Variants in CISD1 observed in about 807,000 individuals in gnomAD.
CISD1 encodes the protein CDGSH iron-sulfur domain-containing protein 1.
Under a neutral mutation model 12.0 loss-of-function variants are expected in CISD1, and 8 were observed. That is an observed-to-expected ratio of 0.67 (90% CI 0.39 to 1.20). CISD1 has a LOEUF of 1.20. Among genes scored for constraint, CISD1 ranks in the 50% most tolerant of loss-of-function variants. The pLI is 0.01. For synonymous variants in CISD1, 38 were observed against 42.2 expected, an observed-to-expected ratio of 0.90 and a Z score of 0.39; for missense variants, 107 against 132.7, an observed-to-expected ratio of 0.81 and a Z score of 0.95.
chr10:58,280,062 A>G (rs1284679675), intron 2 of CISD1, among the ~76,000 whole-genome samples: 1 of 152,256 alleles, frequency 6.6e-6, no homozygotes, highest in Non-Finnish European at 1.5e-5. Flanking sequence ...GCTCTGAGAA[A>G]AATTGGTAAC....
rs1265352909 is a variant in CISD1 at position 58,288,643 on chromosome 10, C to G, written c.*993C>G. The G allele has an allele frequency of 1.3e-5, 2 of 150,840 alleles. No individual in the cohort carries two copies. The highest frequency in any genetic ancestry group is 4.9e-5 in the African/African-American group (2 of 41,004). 9.3% of individuals were successfully genotyped at this position (150,840 alleles called of 1,614,324 possible). On this transcript the variant is annotated 3_prime_UTR_variant, in exon 3 of 3. Transcript: ENST00000333926. ...TTTATGTAATATTCTTCAAAGACTC[C>G]GAGCAGAAACATTGCATTCATTGTT...
At chr10:58,282,537 AC>A (rs1273769208) in intron 2 of CISD1, among the ~76,000 whole-genome samples, 10 of 152,222 alleles carry the variant, frequency 6.6e-5, no homozygotes, top group African/African-American at 2.2e-4. Context: ...CATGCTCAGT[AC>A]CCATACAATT....
At chr10:58,272,875 C>T (rs1839264820) in intron 1 of CISD1, among the ~76,000 whole-genome samples, 1 of 152,092 alleles carries the variant, frequency 6.6e-6, no homozygotes, top group African/African-American at 2.4e-5. Flanking sequence ...GCTGAGATTG[C>T]ACCACTGCAC....
rs1839451679 is a variant in CISD1, at chr10:58,288,242, A to T, written c.*592A>T. On this transcript the variant is annotated 3_prime_UTR_variant, in exon 3 of 3. Coordinates refer to ENST00000333926, the MANE Select transcript of CISD1 (RefSeq NM_018464.5). ...ATTTCATAAGTCAGGTCAATAATAAAGGGGTGGTAACTTCCTCATATTTAT... is the reference window on the plus strand; with the variant it reads ...ATTTCATAAGTCAGGTCAATAATAATGGGGTGGTAACTTCCTCATATTTAT... 1 of 152,318 alleles carries T rather than the reference A, an allele frequency of 6.6e-6. No homozygotes were observed. The highest frequency in any genetic ancestry group is 1.5e-5 in the Non-Finnish European group (1 of 68,014). 9.4% of individuals were successfully genotyped at this position (152,318 alleles called of 1,614,324 possible).
chr10:58,280,952 AACT>A (rs1839366966), intron 2 of CISD1, among the ~76,000 whole-genome samples: 1 of 152,254 alleles, frequency 6.6e-6, no homozygotes, highest in Non-Finnish European at 1.5e-5. Context: ...AGTGCAAATT[AACT>A]AATAAAGAAA....
chr10:58,285,254 T>C (rs1463191772), intron 2 of CISD1, among the ~76,000 whole-genome samples: 1 of 152,242 alleles, frequency 6.6e-6, no homozygotes, highest in African/African-American at 2.4e-5. Context: ...TGAGTTTTTC[T>C]GTAATTTTTA....
At chr10:58,276,802 A>C (rs1053992421) in intron 1 of CISD1, among the ~76,000 whole-genome samples, 3 of 150,292 alleles carry the variant, frequency 2.0e-5, no homozygotes, top group Non-Finnish European at 4.4e-5. Flanking sequence ...TTTAAAATTT[A>C]CTTATAAACA....
rs929408975 is a variant in CISD1, at chr10:58,287,009, C to T, written c.238-552C>T. 3.3e-5 allele frequency among the ~76,000 whole-genome samples: 5 copies of T among 151,938 alleles called. No homozygotes were observed. In the South Asian group the frequency reaches 6.2e-4, roughly 19 times the overall value. On this transcript the variant is annotated intron_variant, in intron 2 of 2. Coordinates refer to ENST00000333926, the MANE Select transcript of CISD1 (RefSeq NM_018464.5). ...GTGCAGTGGCACAATCTCGGCTCAC[C>T]GCAACTTCCCCTCCCAGGTTCAAGC...
intron 2 of CISD1, among the ~76,000 whole-genome samples, chr10:58,280,310 A>G (rs1839360021): frequency 6.6e-6 from 1 of 152,188 alleles, no homozygotes; most frequent in African/African-American, 2.4e-5. Flanking sequence ...GGTGCTAGCT[A>G]TGGAAATGGA....
chr10:58,272,714 C>T (rs776349232), intron 1 of CISD1, among the ~76,000 whole-genome samples: 9 of 152,132 alleles, frequency 5.9e-5, no homozygotes, highest in Non-Finnish European at 1.0e-4. Flanking sequence ...GTCAGGAGTT[C>T]GAGACCAGCT....
At chr10:58,270,404 G>C (rs375913038) in intron 1 of CISD1, among the ~76,000 whole-genome samples, 1 of 152,142 alleles carries the variant, frequency 6.6e-6, no homozygotes, top group Admixed American at 6.5e-5. Flanking sequence ...AATAGAGGCA[G>C]CTTGGTGCAT....
chr10:58,271,336 G>T (rs1023935407), intron 1 of CISD1, among the ~76,000 whole-genome samples: 1 of 152,112 alleles, frequency 6.6e-6, no homozygotes, highest in African/African-American at 2.4e-5. Flanking sequence ...CACCGCGCCC[G>T]GCCGACTATT....
At chr10:58,279,343 C>T (rs887874066) in intron 2 of CISD1, among the ~76,000 whole-genome samples, 2 of 152,014 alleles carry the variant, frequency 1.3e-5, no homozygotes, top group East Asian at 1.9e-4. Flanking sequence ...AAATCCAAAA[C>T]ATTTTGGATT....
At position 58,288,437 on chromosome 10, in the gene CISD1, G is replaced by C. The variant is rs576051806; in HGVS notation, c.*787G>C. ...TTGAACTGAGGATTTTGAAGGAATT[G>C]GAACATATAATGTCAAGTCTTTTGA... On this transcript the variant is annotated 3_prime_UTR_variant, in exon 3 of 3. Transcript: ENST00000333926. 2 of 152,194 alleles carry C rather than the reference G, an allele frequency of 1.3e-5. No individual in the cohort carries two copies. Among genetic ancestry groups the C allele is most frequent in the Non-Finnish European group, 2.9e-5 (2 of 67,984 alleles). The allele number at this position is 152,194 out of a possible 1,614,324, so 9.4% of individuals were successfully genotyped here. A position where few individuals can be genotyped will look rare whatever the true frequency, so the allele number is the denominator to read the frequency against.
chr10:58,274,200 C>A (rs1015337513), intron 1 of CISD1, among the ~76,000 whole-genome samples: 1 of 152,104 alleles, frequency 6.6e-6, no homozygotes, highest in Admixed American at 6.6e-5. Context: ...GAGATTATGA[C>A]AATTCTTAAT....
chr10:58,269,829 C>G (rs1169269184), intron 1 of CISD1, among the ~76,000 whole-genome samples: 1 of 152,138 alleles, frequency 6.6e-6, no homozygotes, highest in Non-Finnish European at 1.5e-5. Context: ...TATTATTCCT[C>G]TGGCATCTGA....
chr10:58,269,347 C>A lies in CISD1; in HGVS notation c.31+43C>A, dbSNP rs760089570. ...AGCGGGTGAGGCTGGTGAGGCTCAG[C>A]GGTTGCCGCGCCCGCAGTTCGACTG... On this transcript the variant is annotated intron_variant, in intron 1 of 2. Transcript: ENST00000333926. 3.7e-5 allele frequency: 58 copies of A among 1,575,146 alleles called. No individual in the cohort carries two copies. In the African/African-American group the frequency reaches 6.7e-4, roughly 18 times the overall value.
chr10:58,279,030 A>T (rs568561580), intron 2 of CISD1, among the ~76,000 whole-genome samples: 2 of 152,344 alleles, frequency 1.3e-5, no homozygotes, highest in East Asian at 3.9e-4. Flanking sequence ...ATGTGAATAC[A>T]TGCAAGAAAA....
Position 58,270,986 on chromosome 10 carries a change from C to G in CISD1, c.31+1682C>G, listed in dbSNP as rs117898338. Reference sequence around the variant, plus strand: ...CCAAGCCATCCTTTCTCCTTGGTCCCCTGGCTTCCCAAAGTGCTGAGATTA... The same window carrying G: ...CCAAGCCATCCTTTCTCCTTGGTCCGCTGGCTTCCCAAAGTGCTGAGATTA... On this transcript the variant is annotated intron_variant, in intron 1 of 2. Transcript: ENST00000333926. 2.3e-3 allele frequency among the ~76,000 whole-genome samples: 345 copies of G among 152,096 alleles called. 12 individuals are homozygous for G. The East Asian group carries it at 0.064, about 28-fold the overall frequency.
Sources: allele counts gnomAD v4.1 joint callset (sites outside exome capture counted in the v4.1 genomes callset), GRCh38; gene constraint gnomAD v4.1.1; transcripts MANE v1.5; gene names NCBI Gene and HGNC (gene_info 2026-07-23, HGNC 2026-07-21).